Variants in ACBD3 observed in about 807,000 individuals in gnomAD.
ACBD3 encodes Golgi resident protein GCP60.
Under a neutral mutation model 66.9 loss-of-function variants are expected in ACBD3, and 30 were observed. The observed-to-expected ratio is 0.45, with a 90% CI of 0.34 to 0.61. ACBD3 has a LOEUF of 0.61. ACBD3 is among the 20% of genes least tolerant of loss of function. The pLI is 0.02. For synonymous variants in ACBD3, 278 were observed against 259.8 expected (o/e 1.07, Z -0.68); for missense variants, 544 against 664.5 (o/e 0.82, Z 1.99).
At chr1:226,152,115 T>C (rs1025941748) in intron 7 of ACBD3, among the ~76,000 whole-genome samples, 16 of 152,062 alleles carry the variant, frequency 1.1e-4, no homozygotes, top group Non-Finnish European at 8.8e-5. Flanking sequence ...AATTGCCAAA[T>C]AGATTTTCCT....
At chr1:226,148,996 G>C (rs1390564318) in intron 7 of ACBD3, among the ~76,000 whole-genome samples, 1 of 152,084 alleles carries the variant, frequency 6.6e-6, no homozygotes, top group Non-Finnish European at 1.5e-5. Context: ...TTTCATTTGA[G>C]GGACATATTA....
chr1:226,169,249 T>C (rs1280360368), intron 1 of ACBD3, among the ~76,000 whole-genome samples: 1 of 150,900 alleles, frequency 6.6e-6, no homozygotes, highest in Non-Finnish European at 1.5e-5. Context: ...TTTTTTTTTA[T>C]TTTTATTTTT....
chr1:226,157,544 CTTTT>C (rs200740951), intron 5 of ACBD3, among the ~76,000 whole-genome samples: 2 of 150,874 alleles, frequency 1.3e-5, no homozygotes. Context: ...TGGCCTATGG[CTTTT>C]TTTTTCCTCG....
intron 7 of ACBD3, 119 bp downstream of exon 7, chr1:226,152,216 A>C (rs1659589046): frequency 7.4e-7 from 1 of 1,345,864 alleles, no homozygotes; most frequent in East Asian, 2.3e-5. Context: ...TAATGAAGAA[A>C]GTGTTCCCTA....
At chr1:226,153,704 T>C (rs1023263661) in intron 6 of ACBD3, among the ~76,000 whole-genome samples, 3 of 152,196 alleles carry the variant, frequency 2.0e-5, no homozygotes, top group Non-Finnish European at 4.4e-5. Flanking sequence ...GGAAAGCTAG[T>C]AGAGCTTTGA....
Position 226,186,423 on chromosome 1 carries a change from C to G in ACBD3, c.253G>C (p.Glu85Gln). Reference protein sequence around the residue: ...LEQRWGFGLEELYGLALRFFK... With the variant: ...LEQRWGFGLEQLYGLALRFFK... The stretch of plus-strand genomic sequence containing the variant: ...AAGCGCAGTGCCAGGCCGTACAACT[C>G]CTCCAGGCCGAAACCCCAGCGCTGC... The change falls in exon 1 of 8, where the codon GAG (glutamate) becomes CAG (glutamine). Residue 85 changes from glutamate (E) to glutamine (Q), a missense_variant. Transcript: ENST00000366812. 5 of 1,525,482 alleles carry G rather than the reference C, an allele frequency of 3.3e-6. No individual in the cohort carries two copies. Among genetic ancestry groups the G allele is most frequent in the Non-Finnish European group, 4.4e-6 (5 of 1,138,018 alleles). 94.5% of individuals were successfully genotyped at this position (1,525,482 alleles called of 1,614,324 possible).
chr1:226,147,795 A>T (rs887032068), intron 7 of ACBD3, among the ~76,000 whole-genome samples: 1 of 152,206 alleles, frequency 6.6e-6, no homozygotes, highest in African/African-American at 2.4e-5. Context: ...AGGAAAAAAA[A>T]TGCCTCTAGA....
intron 4 of ACBD3, 23 bp from the exon 5 acceptor site, chr1:226,159,381 T>C (rs1313566355): frequency 6.2e-7 from 1 of 1,610,414 alleles, no homozygotes; most frequent in South Asian, 1.1e-5. Flanking sequence ...AAAATATATA[T>C]ACTAGTCTGG....
chr1:226,166,185 TCACTCTGTTGCC>T (rs1176409222), intron 1 of ACBD3, among the ~76,000 whole-genome samples, 185 bp from the exon 2 acceptor site: 2 of 152,206 alleles, frequency 1.3e-5, no homozygotes, highest in Non-Finnish European at 2.9e-5. Flanking sequence ...AGACAGAGTC[TCACTCTGTTGCC>T]CAGGCTGGAG....
In ACBD3 at chr1:226,186,679, C is replaced by T. The variant is rs1656326951; in HGVS notation, c.-4G>A. Reference sequence around the variant, plus strand: ...CTGCGTTCAGCACCGCCGCCATCTCCGGCTGCTGCACCTCCTCAGCGGGGA... The same window carrying T: ...CTGCGTTCAGCACCGCCGCCATCTCTGGCTGCTGCACCTCCTCAGCGGGGA... On this transcript the variant is annotated 5_prime_UTR_variant, in exon 1 of 8. Transcript: ENST00000366812. 6.7e-7 allele frequency: 1 copy of T among 1,496,560 alleles called. No homozygotes were observed. The highest frequency in any genetic ancestry group is 8.9e-7 in the Non-Finnish European group (1 of 1,128,240). The allele number at this position is 1,496,560 out of a possible 1,614,324, so 92.7% of individuals were successfully genotyped here. A position where few individuals can be genotyped will look rare whatever the true frequency, so the allele number is the denominator to read the frequency against.
intron 3 of ACBD3, 137 bp from the exon 4 acceptor site, chr1:226,161,826 CT>C: frequency 1.0e-6 from 1 of 972,952 alleles, no homozygotes; most frequent in Non-Finnish European, 1.5e-6. Context: ...AATACATACA[CT>C]TTACTAGCAG....
chr1:226,150,099 C>G (rs1166084696), intron 7 of ACBD3, among the ~76,000 whole-genome samples: 1 of 146,790 alleles, frequency 6.8e-6, no homozygotes, highest in Non-Finnish European at 1.5e-5. Context: ...CTCTGTCGCT[C>G]GGGCTGGAAT....
At chr1:226,161,295 C>T (rs1659768875) in intron 4 of ACBD3, among the ~76,000 whole-genome samples, 2 of 151,952 alleles carry the variant, frequency 1.3e-5, no homozygotes, top group East Asian at 1.9e-4. Context: ...TATGCCACTG[C>T]GCCCAGCTAA....
intron 1 of ACBD3, among the ~76,000 whole-genome samples, chr1:226,184,805 CT>C (rs76440532): frequency 3.1e-3 from 442 of 141,822 alleles, no homozygotes; most frequent in Admixed American, 3.2e-3. Flanking sequence ...TGAAGCGATT[CT>C]TTTTTTTTTT....
chr1:226,168,455 C>T (rs1576236891), intron 1 of ACBD3, among the ~76,000 whole-genome samples: 1 of 152,154 alleles, frequency 6.6e-6, no homozygotes, highest in South Asian at 2.1e-4. Context: ...TTCATTGCAG[C>T]ACTATTTTCT....
intron 1 of ACBD3, among the ~76,000 whole-genome samples, chr1:226,171,024 C>T (rs768132732): frequency 1.4e-4 from 21 of 152,278 alleles, no homozygotes; most frequent in East Asian, 3.9e-4. Context: ...AGTAATCAAT[C>T]GCCCTAGGCT....
At chr1:226,170,543 AT>A (rs1175095038) in intron 1 of ACBD3, among the ~76,000 whole-genome samples, 1 of 152,030 alleles carries the variant, frequency 6.6e-6, no homozygotes, top group Non-Finnish European at 1.5e-5. Context: ...ATAAAATCAC[AT>A]GGAAACTATT....
intron 6 of ACBD3, 43 bp downstream of exon 6, chr1:226,154,604 T>C (rs1241885728): frequency 1.3e-6 from 2 of 1,558,878 alleles, no homozygotes; most frequent in South Asian, 1.2e-5. Flanking sequence ...CTTTCACAGA[T>C]TTGGAATTAT....
intron 1 of ACBD3, among the ~76,000 whole-genome samples, chr1:226,173,014 C>T (rs1394940589): frequency 6.6e-6 from 1 of 152,110 alleles, no homozygotes; most frequent in Non-Finnish European, 1.5e-5. Flanking sequence ...GCCTATAATC[C>T]TGGCACTTTG....
Sources: allele counts gnomAD v4.1 joint callset (sites outside exome capture counted in the v4.1 genomes callset), GRCh38; gene constraint gnomAD v4.1.1; transcripts MANE v1.5; gene names NCBI Gene and HGNC (gene_info 2026-07-23, HGNC 2026-07-21).